Variants in SDK2 observed in about 807,000 individuals in gnomAD.
The protein encoded by SDK2 is sidekick cell adhesion molecule 2.
In SDK2, 105 loss-of-function variants were observed where a neutral mutation model predicts 253.9. That is an observed-to-expected ratio of 0.41 (90% confidence interval 0.35 to 0.49). SDK2 has a LOEUF of 0.49. SDK2 is among the 20% of genes least tolerant of loss of function. The pLI is 0.06. For synonymous variants in SDK2, 1,249 were observed against 1,234.9 expected (o/e 1.01, Z -0.24); for missense variants, 2,608 against 3,003.0 (o/e 0.87, Z 3.07).
chr17:73,504,189 CGTGCGTGT>C lies in SDK2; in HGVS notation c.224+3241_224+3248del, dbSNP rs771927490. Among the ~76,000 whole-genome samples the C allele has an allele frequency of 2.6e-3, 229 of 89,548 alleles. 3 individuals are homozygous for C. The highest frequency in any genetic ancestry group is 4.5e-3 in the Non-Finnish European group (181 of 40,378). The allele number at this position is 89,548 out of a possible 152,430, so 58.7% of individuals were successfully genotyped here. A position where few individuals can be genotyped will look rare whatever the true frequency, so the allele number is the denominator to read the frequency against. The stretch of plus-strand genomic sequence containing the variant: ...AAAGGACAGAGGAGATGGAGCAGTG[CGTGCGTGT>C]GTGTGTGTGTGTGTGTGTGAGAGAG... On this transcript the variant is annotated intron_variant, in intron 2 of 44. Transcript: ENST00000392650.
At position 73,383,465 on chromosome 17, in the gene SDK2, C is replaced by T. The variant is rs1047480846; in HGVS notation, c.4705+411G>A. On this transcript the variant is annotated intron_variant, in intron 33 of 44. Coordinates refer to ENST00000392650, the MANE Select transcript of SDK2 (RefSeq NM_001144952.2). This position sits in a 1 kb window ranked among gnomAD's most constrained non-coding sequence, Gnocchi z 4.3. ...CCCTCAAGGGCAGGGTGCTCCTTCT[C>T]ATGCACCGGGCTGTCCCCGTCCCTT... 4.6e-5 allele frequency among the ~76,000 whole-genome samples: 7 copies of T among 152,342 alleles called. No homozygotes were observed. The South Asian group carries it at 1.0e-3, about 23-fold the overall frequency.
intron 1 of SDK2, among the ~76,000 whole-genome samples, chr17:73,581,051 G>C (rs966973545): frequency 1.2e-4 from 17 of 146,374 alleles, no homozygotes; most frequent in African/African-American, 4.0e-4. Flanking sequence ...TGTATTTTTT[G>C]GTTTTTTTTT....
chr17:73,364,593 GGACCC>G (rs956802304), intron 38 of SDK2, among the ~76,000 whole-genome samples: 19 of 152,080 alleles, frequency 1.2e-4, no homozygotes, highest in Non-Finnish European at 2.2e-4. Flanking sequence ...GGGCAAAGTA[GGACCC>G]TCAGGGGCTC....
At chr17:73,604,076 G>A (rs970026775) in intron 1 of SDK2, among the ~76,000 whole-genome samples, 5 of 152,266 alleles carry the variant, frequency 3.3e-5, no homozygotes, top group Non-Finnish European at 5.9e-5. Flanking sequence ...CGGAGGGAAC[G>A]CCCGCGCCGG....
chr17:73,441,101 C>T (rs1169733713), intron 5 of SDK2, among the ~76,000 whole-genome samples, 178 bp from the exon 6 acceptor site: 1 of 152,146 alleles, frequency 6.6e-6, no homozygotes, highest in South Asian at 2.1e-4. Context: ...GATCCCTCTA[C>T]TTCCTCTGTT....
chr17:73,539,275 AAAC>A (rs2044827577), intron 1 of SDK2, among the ~76,000 whole-genome samples: 1 of 152,182 alleles, frequency 6.6e-6, no homozygotes, highest in Non-Finnish European at 1.5e-5. Flanking sequence ...TAAAGTGAAA[AAAC>A]AACCATTAAC....
At chr17:73,340,995 C>T (rs1021531860) in intron 44 of SDK2, among the ~76,000 whole-genome samples, 14 of 150,236 alleles carry the variant, frequency 9.3e-5, no homozygotes, top group African/African-American at 1.5e-4. Flanking sequence ...CTGCCCACCT[C>T]GGCGTCCCAA....
chr17:73,627,944 C>G (rs370047515), intron 1 of SDK2, among the ~76,000 whole-genome samples: 1 of 152,054 alleles, frequency 6.6e-6, no homozygotes. Flanking sequence ...CCCAGCTACT[C>G]GGGAGGCTGA....
chr17:73,442,717 G>A (rs981330249), intron 5 of SDK2, among the ~76,000 whole-genome samples: 2 of 151,938 alleles, frequency 1.3e-5, no homozygotes, highest in African/African-American at 2.4e-5. Flanking sequence ...GCTCAAATAC[G>A]TGTGTTAAGT....
intron 44 of SDK2, 58 bp downstream of exon 44, chr17:73,348,541 C>T (rs1452244645): frequency 6.3e-7 from 1 of 1,585,730 alleles, no homozygotes; most frequent in Non-Finnish European, 8.6e-7. Context: ...TTCACTGCCC[C>T]ACTCTGGGAG....
At chr17:73,556,932 C>G (rs1426859964) in intron 1 of SDK2, among the ~76,000 whole-genome samples, 1 of 152,282 alleles carries the variant, frequency 6.6e-6, no homozygotes, top group Non-Finnish European at 1.5e-5. Context: ...AAATTAGCAC[C>G]AGATTGACAG....
chr17:73,396,501 C>T (rs2145511164), intron 24 of SDK2, among the ~76,000 whole-genome samples: 1 of 152,310 alleles, frequency 6.6e-6, no homozygotes, highest in South Asian at 2.1e-4. Context: ...CCCCAACCTC[C>T]CCTGCTCACT....
rs1281574954 is a variant in SDK2 at position 73,415,926 on chromosome 17, G to T, written c.2253C>A (p.Asn751Lys). Residue 751 changes from asparagine (N) to lysine (K), a missense_variant, in exon 17 of 45, where the codon AAC becomes AAA. Asn to Lys is a moderately conservative substitution (Grantham distance 94, BLOSUM62 0). Around this residue, in one of 2 missense-constraint regions of SDK2, gnomAD observed 1,505 missense variants for 1,859.1 expected, o/e 0.81. Coordinates refer to ENST00000392650, the MANE Select transcript of SDK2 (RefSeq NM_001144952.2). ...AAATGATGAGATCCTCCAGCAGCAG[G>T]TTGTTCACATCAGCATCCGTGATGT... ...FKNITDADVN[N>K]LLLEDLIIWT... 6.2e-7 allele frequency: 1 copy of T among 1,610,692 alleles called. No homozygotes were observed. Among genetic ancestry groups the T allele is most frequent in the Non-Finnish European group, 8.5e-7 (1 of 1,178,668 alleles).
chr17:73,597,277 T>G (rs910571619), intron 1 of SDK2, among the ~76,000 whole-genome samples: 3 of 152,032 alleles, frequency 2.0e-5, no homozygotes, highest in African/African-American at 7.3e-5. Context: ...CTGCCCTGGG[T>G]GGAAGATGAG....
intron 1 of SDK2, chr17:73,518,434 G>A (rs9893375): frequency 0.44 from 66,480 of 152,116 alleles, 16,047 homozygotes; most frequent in African/African-American, 0.66. Flanking sequence ...AGAGCCCTTG[G>A]AAAGAAGGCT....
chr17:73,584,295 G>A (rs1262605798), intron 1 of SDK2, among the ~76,000 whole-genome samples: 1 of 152,218 alleles, frequency 6.6e-6, no homozygotes, highest in African/African-American at 2.4e-5. Context: ...GGTCTCACTG[G>A]GCTGGCCGGT....
chr17:73,420,994 T>C (rs917663423), intron 15 of SDK2, among the ~76,000 whole-genome samples: 3 of 152,232 alleles, frequency 2.0e-5, no homozygotes, highest in South Asian at 4.1e-4. Flanking sequence ...TCAGGGCGGT[T>C]TGCATGAAGG....
chr17:73,545,112 C>CACACACACACACACACACACAT (rs1403116123), intron 1 of SDK2, among the ~76,000 whole-genome samples: 1 of 151,788 alleles, frequency 6.6e-6, no homozygotes, highest in Non-Finnish European at 1.5e-5. Flanking sequence ...CACACACACA[C>CACACACACACACACACACACAT]ACACACACAC....
chr17:73,412,017 T>C (rs1221220324), intron 18 of SDK2, among the ~76,000 whole-genome samples: 16 of 50,724 alleles, frequency 3.2e-4, no homozygotes, highest in African/African-American at 9.3e-4. Context: ...TATGTAGATA[T>C]ACGTATATGT....
Sources: allele counts gnomAD v4.1 joint callset (sites outside exome capture counted in the v4.1 genomes callset), GRCh38; gene constraint gnomAD v4.1.1; regional missense constraint gnomAD v4.1.1; non-coding constraint Gnocchi (gnomAD v3.1); transcripts MANE v1.5; gene names NCBI Gene and HGNC (gene_info 2026-07-23, HGNC 2026-07-21).